The following DZIP1L variants were observed in gnomAD, a reference collection of about 807,000 sequenced individuals.
The protein encoded by DZIP1L is cilium assembly protein DZIP1L.
A neutral mutation model predicts 88.7 loss-of-function variants in DZIP1L; 90 were observed. The ratio of observed to expected loss-of-function variants is 1.02; its 90% confidence interval spans 0.86 to 1.21. The LOEUF (loss-of-function observed/expected upper bound fraction) is 1.21. DZIP1L is among the 50% of genes most tolerant of loss of function. The probability of loss-of-function intolerance (pLI) is 0.00; values close to 1 mark genes in which losing one functional copy is unlikely to be tolerated. For missense variants in DZIP1L, 932 were observed against 955.8 expected, an observed-to-expected ratio of 0.98 and a Z score of 0.33; for synonymous variants, 363 against 372.1, an observed-to-expected ratio of 0.98 and a Z score of 0.28.
In DZIP1L at chr3:138,080,590, G is replaced by A. The variant is rs1235976048; in HGVS notation, c.1265C>T (p.Thr422Ile). 1 of 1,613,768 alleles carries A rather than the reference G, an allele frequency of 6.2e-7. No homozygotes were observed. The highest frequency in any genetic ancestry group is 8.5e-7 in the Non-Finnish European group (1 of 1,179,872). ...GIHKVPKAVD[T>I]EEDSPEEEME... ...ACCTTCCTCTGGAGAGTCCTCCTCT[G>A]TGTCCACAGCCTTTGGCACCTTGTG... The change falls in exon 10 of 16, where the codon ACA becomes ATA. Residue 422 changes from threonine to isoleucine, a missense_variant. Transcript: ENST00000327532.
intron 11 of DZIP1L, among the ~76,000 whole-genome samples, chr3:138,076,455 A>C (rs979397720): frequency 1.3e-5 from 2 of 152,228 alleles, no homozygotes; most frequent in African/African-American, 4.8e-5. Context: ...AAAGATACTT[A>C]CACATGCATG....
rs778442545 is a variant in DZIP1L at position 138,087,052 on chromosome 3, G to C, written c.1000-29C>G. On this transcript the variant is annotated intron_variant, in intron 6 of 15. Coordinates refer to ENST00000327532, the MANE Select transcript of DZIP1L (RefSeq NM_173543.3). ...AAAAAGATTAAAAGCTTATCAAATG[G>C]GCCCTTGCAGGTATTAAAACATGTT... 4.4e-6 allele frequency: 7 copies of C among 1,606,986 alleles called. No individual in the cohort carries two copies. In the East Asian group the frequency reaches 1.6e-4, roughly 36 times the overall value.
chr3:138,106,560 G>A (rs1178214396), intron 1 of DZIP1L, among the ~76,000 whole-genome samples: 5 of 151,920 alleles, frequency 3.3e-5, no homozygotes, highest in Admixed American at 1.3e-4. Flanking sequence ...TAGGCTGGGC[G>A]CAGTGGCTCA....
chr3:138,092,601 A>T, intron 4 of DZIP1L, 57 bp from the exon 5 acceptor site: 1 of 1,492,580 alleles, frequency 6.7e-7, no homozygotes, highest in Non-Finnish European at 8.9e-7. Flanking sequence ...GCAAATATTT[A>T]CTAAGAACCT....
intron 11 of DZIP1L, among the ~76,000 whole-genome samples, chr3:138,073,080 A>T (rs775336486): frequency 2.6e-5 from 4 of 151,992 alleles, no homozygotes; most frequent in Admixed American, 2.6e-4. Context: ...GTCTTCCTGC[A>T]CCCGCCCTGG....
At chr3:138,108,194 T>C (rs2042550232) in intron 1 of DZIP1L, 1 of 985,352 alleles carries the variant, frequency 1.0e-6, no homozygotes, top group Non-Finnish European at 1.2e-6. Context: ...ATACTCACCA[T>C]GCTTAGCTCC....
At chr3:138,092,664 T>C (rs1359717044) in intron 4 of DZIP1L, 120 bp from the exon 5 acceptor site, 3 of 966,964 alleles carry the variant, frequency 3.1e-6, no homozygotes, top group Non-Finnish European at 4.3e-6. Flanking sequence ...AGAGCATTCA[T>C]CCCACAGTTC....
intron 1 of DZIP1L, among the ~76,000 whole-genome samples, chr3:138,112,896 G>A (rs144883129): frequency 0.017 from 2,553 of 152,144 alleles, 29 homozygotes; most frequent in South Asian, 0.041. Flanking sequence ...GCAGTGAGCC[G>A]AGATCGCACC....
At chr3:138,089,905 T>C (rs917529455) in intron 5 of DZIP1L, among the ~76,000 whole-genome samples, 2 of 151,994 alleles carry the variant, frequency 1.3e-5, no homozygotes, top group Non-Finnish European at 2.9e-5. Context: ...TCCCAGCACA[T>C]TGGGAGGCTG....
chr3:138,111,641 A>G (rs1344918908), intron 1 of DZIP1L, among the ~76,000 whole-genome samples: 1 of 152,196 alleles, frequency 6.6e-6, no homozygotes, highest in African/African-American at 2.4e-5. Context: ...AGTATTACTC[A>G]TGTCTTTTTC....
At chr3:138,067,273 A>G (rs1029986618) in intron 14 of DZIP1L, among the ~76,000 whole-genome samples, 2 of 152,224 alleles carry the variant, frequency 1.3e-5, no homozygotes, top group Non-Finnish European at 2.9e-5. Flanking sequence ...AACCTCCCAC[A>G]GTTAACAATT....
In DZIP1L at chr3:138,092,540, G is replaced by C. The variant is rs1944289446; in HGVS notation, c.713C>G (p.Ala238Gly). Residue 238 changes from alanine to glycine, a missense_variant, in exon 5 of 16, where the codon GCA (alanine) becomes GGA (glycine). By Grantham distance (60) the Ala-to-Gly change is moderately conservative. Coordinates refer to ENST00000327532, the MANE Select transcript of DZIP1L (RefSeq NM_173543.3). Reference sequence around the variant, plus strand: ...TATTTCCCTCTGATGAATGAGCTCTGCTTCCTAAAAAGAAGAGCAAGAACA... The same window carrying C: ...TATTTCCCTCTGATGAATGAGCTCTCCTTCCTAAAAAGAAGAGCAAGAACA... ...EAERQRQLQE[A>G]ELIHQREIEA... 1 of 1,565,208 alleles carries C rather than the reference G, an allele frequency of 6.4e-7. No homozygotes were observed. Among genetic ancestry groups the C allele is most frequent in the Non-Finnish European group, 8.6e-7 (1 of 1,164,746 alleles).
At chr3:138,102,805 A>C (rs2042361764) in intron 2 of DZIP1L, 1 of 742,672 alleles carries the variant, frequency 1.3e-6, no homozygotes, top group African/African-American at 1.7e-5. Context: ...CACTCAGGAG[A>C]AGCTCAAGGA....
chr3:138,070,990 T>G (rs1350862880), intron 12 of DZIP1L, among the ~76,000 whole-genome samples: 1 of 152,214 alleles, frequency 6.6e-6, no homozygotes, highest in Non-Finnish European at 1.5e-5. Context: ...GAATTTCGTG[T>G]TCCACCAGAA....
intron 4 of DZIP1L, among the ~76,000 whole-genome samples, chr3:138,094,289 T>C (rs1944367326): frequency 6.6e-6 from 1 of 152,210 alleles, no homozygotes. Flanking sequence ...ATAAACTTGC[T>C]CAACACAGGG....
intron 3 of DZIP1L, among the ~76,000 whole-genome samples, chr3:138,095,346 G>A (rs771052661): frequency 1.8e-4 from 27 of 152,168 alleles, no homozygotes; most frequent in Non-Finnish European, 3.2e-4. Context: ...TATAGTAACA[G>A]AACAGAATAT....
chr3:138,067,567 A>G lies in DZIP1L; in HGVS notation c.1966T>C (p.Ser656Pro). The stretch of plus-strand genomic sequence containing the variant: ...CCAGGGGGCTGGGCATTCTCCTCCG[A>G]GGTCTCTGTGTCAGACCAGTCCCAG... ...DDWDWSDTET[S>P]EENAQPPGQG... The change falls in exon 14 of 16, where the codon TCG becomes CCG. Residue 656 changes from serine to proline, a missense_variant. Ser to Pro is a moderately conservative substitution (Grantham distance 74). Coordinates refer to ENST00000327532, the MANE Select transcript of DZIP1L (RefSeq NM_173543.3). The G allele has an allele frequency of 6.2e-7, 1 of 1,610,720 alleles. No individual in the cohort carries two copies. Among genetic ancestry groups the G allele is most frequent in the South Asian group, 1.1e-5 (1 of 90,456 alleles).
Position 138,103,983 on chromosome 3 carries a change from GC to G in DZIP1L, c.-13del. The G allele has an allele frequency of 6.2e-7, 1 of 1,601,418 alleles. No homozygotes were observed. On this transcript the variant is annotated 5_prime_UTR_variant, in exon 2 of 16. Transcript: ENST00000327532. ...GCTGGGGACTGCATGGGCAGAGGAAGCCCTGAGCTGACCACCAGAGGAGGGG... is the reference window on the plus strand; with the variant it reads ...GCTGGGGACTGCATGGGCAGAGGAAGCCTGAGCTGACCACCAGAGGAGGGG...
Position 138,104,056 on chromosome 3 carries a change from G to A in DZIP1L, c.-81-4C>T. ...GGCCAAGGAGCTGAGAGAAGGCCTG[G>A]AAAATAAGAAGAGAGTCCAAGTTAG... On this transcript the variant is annotated splice_region_variant and splice_polypyrimidine_tract_variant and intron_variant, in intron 1 of 15. Transcript: ENST00000327532. 6.6e-7 allele frequency: 1 copy of A among 1,516,488 alleles called. No individual in the cohort carries two copies. Among genetic ancestry groups the A allele is most frequent in the East Asian group, 2.3e-5 (1 of 44,330 alleles). The allele number at this position is 1,516,488 out of a possible 1,614,324, so 93.9% of individuals were successfully genotyped here.
Sources: allele counts gnomAD v4.1 joint callset (sites outside exome capture counted in the v4.1 genomes callset), GRCh38; gene constraint gnomAD v4.1.1; transcripts MANE v1.5; gene names NCBI Gene and HGNC (gene_info 2026-07-23, HGNC 2026-07-21).